SGCZ: variants seen among roughly 807,000 people sequenced by gnomAD.
SGCZ encodes sarcoglycan zeta.
SGCZ carries 40 observed loss-of-function variants against 41.3 expected under a neutral mutation model. The ratio of observed to expected loss-of-function variants is 0.97; its 90% CI spans 0.75 to 1.26. The LOEUF (loss-of-function observed/expected upper bound fraction) is 1.26, where lower values mean the gene tolerates loss of function less well. Among genes scored for constraint, SGCZ ranks in the 50% most tolerant of loss-of-function variants. The pLI, the probability that SGCZ is intolerant of heterozygous loss-of-function variation, is 0.00. For missense variants in SGCZ, 552 were observed against 369.8 expected, an observed-to-expected ratio of 1.49 and a Z score of -4.04; for synonymous variants, 206 against 137.5, an observed-to-expected ratio of 1.50 and a Z score of -3.49.
chr8:14,459,089 T>A (rs1367472560), intron 2 of SGCZ, among the ~76,000 whole-genome samples: 1 of 152,138 alleles, frequency 6.6e-6, no homozygotes, highest in African/African-American at 2.4e-5. Flanking sequence ...GGTTATAACT[T>A]GCATAAATAA....
chr8:15,222,440 C>T (rs750710034), intron 1 of SGCZ, among the ~76,000 whole-genome samples: 1 of 151,038 alleles, frequency 6.6e-6, no homozygotes. Flanking sequence ...ATATTCCTGC[C>T]TATGAAAAAA....
rs1250758949 is a variant in SGCZ, at chr8:14,146,886, A to C, written c.547+17694T>G. Among the ~76,000 whole-genome samples the C allele has an allele frequency of 2.1e-5, 3 of 146,006 alleles. 1 individual carries two copies. The highest frequency in any genetic ancestry group is 3.0e-5 in the Non-Finnish European group (2 of 66,956). On this transcript the variant is annotated intron_variant, in intron 5 of 7. Transcript: ENST00000382080. ...GACTCCGTCTCAAAAAATAAAAATA[A>C]AAAAAATAATAATAATAATAACTAC...
intron 1 of SGCZ, among the ~76,000 whole-genome samples, chr8:14,850,048 C>T (rs1040749949): frequency 4.6e-5 from 7 of 152,104 alleles, no homozygotes; most frequent in Admixed American, 2.0e-4. Context: ...TATACCCATT[C>T]GCTCTCTTCT....
At chr8:14,384,092 T>A (rs945038414) in intron 2 of SGCZ, among the ~76,000 whole-genome samples, 1 of 152,008 alleles carries the variant, frequency 6.6e-6, no homozygotes, top group Non-Finnish European at 1.5e-5. Context: ...ATTAGGTATG[T>A]CTCCTAATGC....
At chr8:14,309,488 A>G in intron 3 of SGCZ, 1 of 1,607,842 alleles carries the variant, frequency 6.2e-7, no homozygotes, top group Non-Finnish European at 8.5e-7. Context: ...TGTTAATGTT[A>G]GAGCTAATTG....
At chr8:14,769,519 C>G (rs1279697146) in intron 1 of SGCZ, among the ~76,000 whole-genome samples, 5 of 152,032 alleles carry the variant, frequency 3.3e-5, no homozygotes, top group Non-Finnish European at 7.4e-5. Flanking sequence ...CAGCCAGGCG[C>G]GATGGCTCAC....
At chr8:14,613,570 C>A (rs7010545) in intron 1 of SGCZ, among the ~76,000 whole-genome samples, 203 of 152,148 alleles carry the variant, frequency 1.3e-3, no homozygotes, top group African/African-American at 4.8e-3. Flanking sequence ...ATTCTTTCTT[C>A]CTATGCTCAA....
intron 1 of SGCZ, among the ~76,000 whole-genome samples, chr8:14,885,013 T>G (rs1434255558): frequency 1.3e-5 from 2 of 152,296 alleles, no homozygotes; most frequent in Non-Finnish European, 2.9e-5. Context: ...GACTTTTTCC[T>G]TGTATTAGTA....
At chr8:14,956,750 A>G (rs902283829) in intron 1 of SGCZ, among the ~76,000 whole-genome samples, 1 of 152,206 alleles carries the variant, frequency 6.6e-6, no homozygotes, top group African/African-American at 2.4e-5. Flanking sequence ...TTGTTTGTAA[A>G]ATATTTTTAA....
intron 3 of SGCZ, among the ~76,000 whole-genome samples, chr8:14,275,746 G>C (rs1354575058): frequency 6.6e-6 from 1 of 152,144 alleles, no homozygotes; most frequent in Non-Finnish European, 1.5e-5. Flanking sequence ...TACCGTGCAG[G>C]ATCTTTTGTG....
At chr8:14,964,550 G>A (rs78708641) in intron 1 of SGCZ, among the ~76,000 whole-genome samples, 7,331 of 152,220 alleles carry the variant, frequency 0.048, 353 homozygotes, top group African/African-American at 0.11. Flanking sequence ...TTGCTGGAGA[G>A]GACAGAAAGC....
chr8:14,199,064 G>T (rs1234104101), intron 4 of SGCZ, among the ~76,000 whole-genome samples: 1 of 152,176 alleles, frequency 6.6e-6, no homozygotes, highest in Non-Finnish European at 1.5e-5. Context: ...AATGTTCAGG[G>T]AACAAGGGAG....
intron 1 of SGCZ, among the ~76,000 whole-genome samples, chr8:14,920,942 C>A (rs140263942): frequency 6.6e-6 from 1 of 152,144 alleles, no homozygotes; most frequent in African/African-American, 2.4e-5. Context: ...GTGGCTTCTA[C>A]GCTCAGAACA....
chr8:14,613,826 T>A (rs1253583400), intron 1 of SGCZ, among the ~76,000 whole-genome samples: 1 of 152,310 alleles, frequency 6.6e-6, no homozygotes, highest in East Asian at 1.9e-4. Flanking sequence ...AAATTGAGAC[T>A]GAAATGGCAA....
chr8:14,148,561 A>G (rs1214725227), intron 5 of SGCZ, among the ~76,000 whole-genome samples: 3 of 152,174 alleles, frequency 2.0e-5, no homozygotes, highest in Non-Finnish European at 4.4e-5. Context: ...CCAGTAAAGA[A>G]AAGCCTGGGA....
intron 1 of SGCZ, among the ~76,000 whole-genome samples, chr8:14,963,230 T>G (rs1330107564): frequency 2.0e-5 from 3 of 152,214 alleles, no homozygotes; most frequent in Non-Finnish European, 2.9e-5. Context: ...GTATATGTGT[T>G]GCATGAGCAA....
intron 5 of SGCZ, among the ~76,000 whole-genome samples, chr8:14,164,318 G>A (rs540237207): frequency 4.6e-5 from 7 of 151,732 alleles, no homozygotes; most frequent in African/African-American, 9.7e-5. Flanking sequence ...TCTCCACCCC[G>A]CCCAGCCACA....
At chr8:14,796,065 A>C (rs2264039) in intron 1 of SGCZ, among the ~76,000 whole-genome samples, 50,105 of 152,008 alleles carry the variant, frequency 0.33, 9,804 homozygotes, top group East Asian at 0.49. Context: ...TTCTTTATCC[A>C]GTCTATCACT....
At position 14,599,017 on chromosome 8, in the gene SGCZ, C is replaced by T. The variant is rs566641434; in HGVS notation, c.40-44091G>A. Among the ~76,000 whole-genome samples the T allele has an allele frequency of 4.6e-5, 7 of 152,220 alleles. No individual in the cohort carries two copies. In the South Asian group the frequency reaches 1.5e-3, roughly 32 times the overall value. ...CCACATAATGTTTAAAATACCCGGACATCTCAGATTCTAAACCTCCTCTCC... is the reference window on the plus strand; with the variant it reads ...CCACATAATGTTTAAAATACCCGGATATCTCAGATTCTAAACCTCCTCTCC... On this transcript the variant is annotated intron_variant, in intron 1 of 7. Transcript: ENST00000382080.
Sources: allele counts gnomAD v4.1 joint callset (sites outside exome capture counted in the v4.1 genomes callset), GRCh38; gene constraint gnomAD v4.1.1; transcripts MANE v1.5; gene names NCBI Gene and HGNC (gene_info 2026-07-23, HGNC 2026-07-21).